The following CSMD1 variants were observed in gnomAD, a reference collection of about 807,000 sequenced individuals.
CSMD1 encodes CUB and Sushi multiple domains 1.
Under a neutral mutation model 417.5 loss-of-function variants are expected in CSMD1, and 213 were observed. The ratio of observed to expected loss-of-function variants is 0.51; its 90% CI spans 0.46 to 0.57. The LOEUF (loss-of-function observed/expected upper bound fraction) is 0.57, where lower values mean the gene tolerates loss of function less well. Ranked by LOEUF, CSMD1 falls within the 20% of genes least tolerant of loss-of-function variation. The pLI, the probability that CSMD1 is intolerant of heterozygous loss-of-function variation, is 0.00. For missense variants in CSMD1, 6,923 were observed against 4,529.7 expected, an observed-to-expected ratio of 1.53 and a Z score of -15.17; for synonymous variants, 2,862 against 1,736.8, an observed-to-expected ratio of 1.65 and a Z score of -16.11.
chr8:4,444,009 A>G (rs1798634422), intron 2 of CSMD1, among the ~76,000 whole-genome samples: 1 of 152,130 alleles, frequency 6.6e-6, no homozygotes, highest in South Asian at 2.1e-4. Flanking sequence ...GAATGGTGAC[A>G]TGTTAAGGAA....
At chr8:3,538,515 G>T (rs981824742) in intron 10 of CSMD1, among the ~76,000 whole-genome samples, 2 of 152,182 alleles carry the variant, frequency 1.3e-5, no homozygotes, top group African/African-American at 4.8e-5. Context: ...CACCTGAGAT[G>T]CCCCACCTGC....
intron 3 of CSMD1, among the ~76,000 whole-genome samples, chr8:4,165,366 A>T (rs1392919993): frequency 1.3e-5 from 2 of 152,254 alleles, no homozygotes; most frequent in South Asian, 4.1e-4. Context: ...TAGGACTCTA[A>T]AACAACTCTT....
chr8:4,013,341 C>G (rs1486692190), intron 4 of CSMD1, among the ~76,000 whole-genome samples: 2 of 152,140 alleles, frequency 1.3e-5, no homozygotes, highest in Non-Finnish European at 1.5e-5. Context: ...TGTCTCAAGG[C>G]CAAACACCTG....
At chr8:4,973,263 G>A (rs1018345703) in intron 1 of CSMD1, among the ~76,000 whole-genome samples, 7 of 152,092 alleles carry the variant, frequency 4.6e-5, no homozygotes, top group Non-Finnish European at 8.8e-5. Flanking sequence ...CTTGAGGGCA[G>A]GGACTTTATC....
intron 3 of CSMD1, among the ~76,000 whole-genome samples, chr8:4,328,079 A>C (rs990424494): frequency 6.6e-6 from 1 of 152,168 alleles, no homozygotes; most frequent in East Asian, 1.9e-4. Context: ...CATAATTTAC[A>C]TGATATGTAA....
intron 3 of CSMD1, among the ~76,000 whole-genome samples, chr8:4,299,693 C>T (rs1045090916): frequency 2.0e-5 from 3 of 152,080 alleles, no homozygotes; most frequent in African/African-American, 4.8e-5. Context: ...GATGCAGTGG[C>T]GATCTTGGCT....
At chr8:4,978,877 G>A (rs527503169) in intron 1 of CSMD1, among the ~76,000 whole-genome samples, 8 of 148,770 alleles carry the variant, frequency 5.4e-5, no homozygotes, top group East Asian at 3.9e-4. Flanking sequence ...GGCGGAGGTT[G>A]CAGTGAGCTG....
chr8:3,781,523 T>A (rs1466216336), intron 5 of CSMD1, among the ~76,000 whole-genome samples: 2 of 152,130 alleles, frequency 1.3e-5, no homozygotes, highest in African/African-American at 4.8e-5. Context: ...ATTGTGGACA[T>A]GGATATATGG....
chr8:4,393,155 T>C (rs1803968110), intron 3 of CSMD1, among the ~76,000 whole-genome samples: 2 of 152,014 alleles, frequency 1.3e-5, no homozygotes, highest in African/African-American at 4.8e-5. Context: ...TTTGTATTTT[T>C]AGTAGAGACG....
intron 7 of CSMD1, among the ~76,000 whole-genome samples, chr8:3,666,361 G>T (rs28642300): frequency 0.14 from 22,043 of 152,192 alleles, 1,938 homozygotes; most frequent in South Asian, 0.22. Context: ...CGTTTAAAAT[G>T]ACATATTCAG....
At chr8:4,393,826 T>G (rs938674287) in intron 3 of CSMD1, among the ~76,000 whole-genome samples, 1 of 152,230 alleles carries the variant, frequency 6.6e-6, no homozygotes, top group Non-Finnish European at 1.5e-5. Flanking sequence ...TATGTTTCTG[T>G]ATCTTTTCCA....
intron 1 of CSMD1, among the ~76,000 whole-genome samples, chr8:4,697,001 G>C (rs1387194607): frequency 1.3e-5 from 2 of 151,982 alleles, no homozygotes; most frequent in African/African-American, 2.4e-5. Flanking sequence ...GTGAAACCCT[G>C]TCTCTACTAA....
At chr8:4,360,394 C>G (rs916890177) in intron 3 of CSMD1, among the ~76,000 whole-genome samples, 2 of 152,166 alleles carry the variant, frequency 1.3e-5, no homozygotes, top group African/African-American at 2.4e-5. Context: ...ACTGCAAACT[C>G]CATCTATAAA....
intron 3 of CSMD1, among the ~76,000 whole-genome samples, chr8:4,268,317 T>C (rs1804350775): frequency 6.6e-6 from 1 of 152,136 alleles, no homozygotes; most frequent in Non-Finnish European, 1.5e-5. Flanking sequence ...AAAACCATTA[T>C]GACCTGAATA....
At chr8:4,926,476 C>T (rs1017899101) in intron 1 of CSMD1, among the ~76,000 whole-genome samples, 21 of 152,036 alleles carry the variant, frequency 1.4e-4, no homozygotes, top group Admixed American at 1.2e-3. Flanking sequence ...AATTTCAAAA[C>T]GGTGTAATTT....
At chr8:4,604,410 T>TGTGTGTGTGTGTGTGTGCGC (rs59349269) in intron 2 of CSMD1, among the ~76,000 whole-genome samples, 1 of 146,148 alleles carries the variant, frequency 6.8e-6, no homozygotes, top group Non-Finnish European at 1.5e-5. Flanking sequence ...TGTGTGTGTG[T>TGTGTGTGTGTGTGTGTGCGC]GCGCGTGCGT....
chr8:4,523,692 A>T (rs1030823894), intron 2 of CSMD1, among the ~76,000 whole-genome samples: 4 of 152,202 alleles, frequency 2.6e-5, no homozygotes, highest in African/African-American at 9.7e-5. Context: ...TGCTTATGAA[A>T]TGATCTGCTG....
At chr8:4,188,145 T>A (rs185872044) in intron 3 of CSMD1, among the ~76,000 whole-genome samples, 63 of 152,234 alleles carry the variant, frequency 4.1e-4, no homozygotes, top group Non-Finnish European at 5.3e-4. Flanking sequence ...GCCACACACA[T>A]CCTAACGTAT....
At chr8:4,329,317 C>T (rs1008015131) in intron 3 of CSMD1, among the ~76,000 whole-genome samples, 3 of 152,126 alleles carry the variant, frequency 2.0e-5, no homozygotes, top group African/African-American at 4.8e-5. Flanking sequence ...GAGATGGAGT[C>T]TTGCTATCTC....
Sources: allele counts gnomAD v4.1 joint callset (sites outside exome capture counted in the v4.1 genomes callset), GRCh38; gene constraint gnomAD v4.1.1; transcripts MANE v1.5; gene names NCBI Gene and HGNC (gene_info 2026-07-23, HGNC 2026-07-21).